The following CDK12 variants were observed in gnomAD, a reference collection of about 807,000 sequenced individuals.
The protein encoded by CDK12 is cyclin-dependent kinase 12.
In CDK12, 17 loss-of-function variants were observed where a neutral mutation model predicts 133.8. The observed-to-expected ratio is 0.13, with a 90% CI of 0.09 to 0.19. CDK12 has a LOEUF of 0.19. Among genes scored for constraint, CDK12 ranks in the 10% least tolerant of loss-of-function variants. The pLI is 1.00. For missense variants in CDK12, 1,508 were observed against 1,818.7 expected (o/e 0.83, Z 3.11); for synonymous variants, 694 against 683.6 (o/e 1.02, Z -0.24).
At chr17:39,560,892 G>A (rs1272480818) in intron 3 of CDK12, among the ~76,000 whole-genome samples, 1 of 152,198 alleles carries the variant, frequency 6.6e-6, no homozygotes, top group Non-Finnish European at 1.5e-5. Flanking sequence ...GCAAGCACCT[G>A]TAATCTCAGC....
chr17:39,530,977 C>T lies in CDK12; in HGVS notation c.4134C>T (p.Gly1378=). 3 of 1,614,224 alleles carry T rather than the reference C, an allele frequency of 1.9e-6. No individual in the cohort carries two copies. The highest frequency in any genetic ancestry group is 2.5e-6 in the Non-Finnish European group (3 of 1,180,032). Residue 1378 remains glycine, a synonymous_variant, in exon 14 of 14, where the codon GGC becomes GGT. Coordinates refer to ENST00000447079, the MANE Select transcript of CDK12 (RefSeq NM_016507.4). ...QTLVKNRTFS[G]SLSHLGESSS... is the part of the protein sequence containing the mutation. ...TGGTGAAGAACAGGACCTTCTCAGG[C>T]TCTCTGAGCCACCTTGGGGAGTCCA...
chr17:39,520,541 C>T (rs746360782), intron 11 of CDK12, among the ~76,000 whole-genome samples: 1 of 152,006 alleles, frequency 6.6e-6, no homozygotes, highest in Non-Finnish European at 1.5e-5. Context: ...CAGACACACA[C>T]CACCACACCC....
chr17:39,513,266 A>G (rs1173074902), intron 8 of CDK12, among the ~76,000 whole-genome samples: 1 of 152,176 alleles, frequency 6.6e-6, no homozygotes, highest in Non-Finnish European at 1.5e-5. Flanking sequence ...ATACTTTACA[A>G]TTCTGACATA....
intron 5 of CDK12, among the ~76,000 whole-genome samples, chr17:39,499,720 G>A (rs1265330032): frequency 6.6e-6 from 1 of 151,398 alleles, no homozygotes; most frequent in East Asian, 1.9e-4. Flanking sequence ...CACCATGTTG[G>A]CCAGGTTGGT....
At chr17:39,472,512 A>T (rs1402645708) in intron 2 of CDK12, among the ~76,000 whole-genome samples, 3 of 151,810 alleles carry the variant, frequency 2.0e-5, no homozygotes, top group African/African-American at 7.3e-5. Flanking sequence ...CATCTCTACT[A>T]AAGATACAAA....
chr17:39,501,505 G>T (rs1358337444), intron 6 of CDK12, 66 bp downstream of exon 6: 3 of 1,072,866 alleles, frequency 2.8e-6, no homozygotes, highest in Non-Finnish European at 4.1e-6. Flanking sequence ...AGTTTCAAAT[G>T]GTTAATTGGT....
At chr17:39,479,505 A>G (rs1014486054) in intron 2 of CDK12, among the ~76,000 whole-genome samples, 1 of 152,102 alleles carries the variant, frequency 6.6e-6, no homozygotes, top group Non-Finnish European at 1.5e-5. Flanking sequence ...TAAAACTTCT[A>G]ATGGAGCCAG....
At chr17:39,466,702 A>C (rs1252398648) in intron 1 of CDK12, among the ~76,000 whole-genome samples, 1 of 148,376 alleles carries the variant, frequency 6.7e-6, no homozygotes, top group Admixed American at 6.8e-5. Context: ...TGGTAAAAAT[A>C]AGTTTAGAAA....
downstream of CDK12, among the ~76,000 whole-genome samples, chr17:39,536,989 A>G (rs1424868245): frequency 6.6e-6 from 1 of 152,216 alleles, no homozygotes; most frequent in Non-Finnish European, 1.5e-5. Context: ...TTTGTAAACT[A>G]CAGATAGTAT....
At chr17:39,515,658 T>A (rs1285851456) in intron 8 of CDK12, 73 bp from the exon 9 acceptor site, 1 of 948,358 alleles carries the variant, frequency 1.1e-6, no homozygotes, top group Non-Finnish European at 1.7e-6. Flanking sequence ...ATCAATAATG[T>A]AAAAATTTTT....
rs1022559685 is a variant in CDK12, at chr17:39,471,668, A to G, written c.1836A>G (p.Gln612=). 4.3e-6 allele frequency: 7 copies of G among 1,613,944 alleles called. No individual in the cohort carries two copies. Among genetic ancestry groups the G allele is most frequent in the Non-Finnish European group, 4.2e-6 (5 of 1,179,964 alleles). ...CTGTACAGGTTTCTGTGAAGACTCA[A>G]GTATCTGTAACAGCTGCTATTCCAC... is the stretch of plus-strand genomic sequence containing the variant. ...QPPVQVSVKT[Q]VSVTAAIPHL... is the part of the protein sequence containing the mutation. The change falls in exon 2 of 14, where the codon CAA becomes CAG. Residue 612 remains glutamine, a synonymous_variant. Coordinates refer to ENST00000447079, the MANE Select transcript of CDK12 (RefSeq NM_016507.4).
downstream of CDK12, chr17:39,567,425 A>C (rs542655838): frequency 6.6e-6 from 1 of 152,378 alleles, no homozygotes; most frequent in South Asian, 2.1e-4. Context: ...CATTGGATGG[A>C]AAGTTCCACA....
intron 11 of CDK12, among the ~76,000 whole-genome samples, chr17:39,520,555 T>A (rs1451641888): frequency 2.0e-5 from 3 of 151,896 alleles, no homozygotes; most frequent in Non-Finnish European, 4.4e-5. Context: ...CACACCCAGC[T>A]AATTTTTGTA....
At chr17:39,509,461 C>T (rs1359420377) in intron 6 of CDK12, among the ~76,000 whole-genome samples, 1 of 151,678 alleles carries the variant, frequency 6.6e-6, no homozygotes, top group South Asian at 2.1e-4. Context: ...AAGTGTAAGG[C>T]ATTATAATTG....
At chr17:39,468,734 G>A (rs2049546950) in intron 1 of CDK12, among the ~76,000 whole-genome samples, 1 of 151,704 alleles carries the variant, frequency 6.6e-6, no homozygotes, top group South Asian at 2.1e-4. Context: ...CTCAGCCTCC[G>A]AAAGTGTTGG....
At chr17:39,549,650 A>G (rs1346688545), upstream of CDK12, 3 of 152,258 alleles carry the variant, frequency 2.0e-5, no homozygotes, top group Non-Finnish European at 4.4e-5. Flanking sequence ...TTTGGGGAAG[A>G]GCAGTGATAT....
downstream of CDK12, among the ~76,000 whole-genome samples, chr17:39,538,954 T>TACATACATA (rs935790813): frequency 6.7e-6 from 1 of 149,798 alleles, no homozygotes; most frequent in Non-Finnish European, 1.5e-5. Flanking sequence ...CATACATACA[T>TACATACATA]AAGGCTAGTA....
chr17:39,478,709 G>A (rs1314339787), intron 2 of CDK12, among the ~76,000 whole-genome samples: 1 of 152,056 alleles, frequency 6.6e-6, no homozygotes, highest in Non-Finnish European at 1.5e-5. Context: ...CCTGTGGTCT[G>A]AGCTACTTGG....
Position 39,492,785 on chromosome 17 carries a change from A to G in CDK12, c.2143A>G (p.Thr715Ala), listed in dbSNP as rs2051744228. 2 of 1,611,208 alleles carry G rather than the reference A, an allele frequency of 1.2e-6. No homozygotes were observed. Among genetic ancestry groups the G allele is most frequent in the Non-Finnish European group, 1.7e-6 (2 of 1,178,236 alleles). ...CCPRYGERRQTESDWGKRCVD... is the reference protein window; with the variant it reads ...CCPRYGERRQAESDWGKRCVD... ...TCCTCGTTATGGAGAAAGAAGACAA[A>G]CAGAAAGCGACTGGGGGAAACGCTG... The change falls in exon 4 of 14, where the codon ACA (threonine) becomes GCA (alanine). Residue 715 changes from threonine to alanine, a missense_variant. Physicochemically the swap from Thr to Ala is moderately conservative, Grantham distance 58 (BLOSUM62 0). Transcript: ENST00000447079.
Sources: gnomAD v4.1 joint callset for allele counts (sites outside exome capture counted in the v4.1 genomes callset) on GRCh38, gnomAD v4.1.1 for gene constraint, MANE v1.5 for transcripts, NCBI Gene and HGNC (gene_info 2026-07-23, HGNC 2026-07-21) for gene names.